Variants in MYLK observed in about 807,000 individuals in gnomAD.
The protein encoded by MYLK is myosin light chain kinase, also known as myosin light chain kinase, smooth muscle.
MYLK carries 106 observed loss-of-function variants against 203.4 expected under a neutral mutation model. The ratio of observed to expected loss-of-function variants is 0.52; its 90% CI spans 0.45 to 0.61. MYLK has a LOEUF of 0.61. Ranked by LOEUF, MYLK falls within the 20% of genes least tolerant of loss-of-function variation. The pLI, the probability that MYLK is intolerant of heterozygous loss-of-function variation, is 0.00. For missense variants in MYLK, 2,072 were observed against 2,442.3 expected (o/e 0.85, Z 3.20); for synonymous variants, 867 against 959.5 (o/e 0.90, Z 1.78).
At chr3:123,826,120 T>C (rs2066111448) in intron 3 of MYLK, among the ~76,000 whole-genome samples, 1 of 152,168 alleles carries the variant, frequency 6.6e-6, no homozygotes, top group South Asian at 2.1e-4. Context: ...TATGCCCTTA[T>C]GCCAGCTGAG....
In MYLK at chr3:123,700,965, C is replaced by G. The variant is rs1348406740; in HGVS notation, c.2503G>C (p.Gly835Arg). ...CTACCACCACCATCAGCACCAACTCCTCCACCACAGAGGTCCTCGCAGCTG... is the reference window on the plus strand; with the variant it reads ...CTACCACCACCATCAGCACCAACTCGTCCACCACAGAGGTCCTCGCAGCTG... ...PASCEDLCGG[G>R]VGADGGGSDR... Residue 835 changes from glycine to arginine, a missense_variant, in exon 18 of 34, where the codon GGA becomes CGA. This residue lies in a region of MYLK where 865 missense variants were observed against 1,016.0 expected (regional missense o/e 0.85). Coordinates refer to ENST00000360304, the MANE Select transcript of MYLK (RefSeq NM_053025.4). 8 of 1,609,464 alleles carry G rather than the reference C, an allele frequency of 5.0e-6. No individual in the cohort carries two copies. In the Admixed American group the frequency reaches 1.3e-4, roughly 27 times the overall value.
chr3:123,779,563 G>T (rs184872505), intron 4 of MYLK, among the ~76,000 whole-genome samples: 1 of 152,138 alleles, frequency 6.6e-6, no homozygotes, highest in Non-Finnish European at 1.5e-5. Flanking sequence ...GGCTCTGCCT[G>T]CCCCCACCTC....
rs1425132522 is a variant in MYLK at position 123,640,074 on chromosome 3, G to A, written c.4837+213C>T. 6.6e-6 allele frequency among the ~76,000 whole-genome samples: 1 copy of A among 152,038 alleles called. No homozygotes were observed. Among genetic ancestry groups the A allele is most frequent in the Non-Finnish European group, 1.5e-5 (1 of 68,030 alleles). On this transcript the variant is annotated intron_variant, in intron 28 of 33. Transcript: ENST00000360304. This position sits in a 1 kb window ranked among gnomAD's most constrained non-coding sequence, Gnocchi z 4.3. ...CATTTGATCCTCCTAACAAATCTGT[G>A]AGTTAGGTCCTACTATGATCCCACT...
At chr3:123,764,413 A>G (rs572814155) in intron 4 of MYLK, among the ~76,000 whole-genome samples, 1 of 152,260 alleles carries the variant, frequency 6.6e-6, no homozygotes, top group East Asian at 1.9e-4. Flanking sequence ...TTCTCCCTTG[A>G]GATAATCAGT....
Position 123,809,308 on chromosome 3 carries a change from T to C in MYLK, c.-3-15464A>G, listed in dbSNP as rs142249575. ...GGGAGGCCAAGGTGGGCAGATCACTTGAGGTCAGGAGTTCGAGACAAGCCT... is the reference window on the plus strand; with the variant it reads ...GGGAGGCCAAGGTGGGCAGATCACTCGAGGTCAGGAGTTCGAGACAAGCCT... On this transcript the variant is annotated intron_variant, in intron 3 of 33. Coordinates refer to ENST00000360304, the MANE Select transcript of MYLK (RefSeq NM_053025.4). Among the ~76,000 whole-genome samples, 611 of 152,230 alleles carry C rather than the reference T, an allele frequency of 4.0e-3. 5 individuals carry two copies. Among genetic ancestry groups the C allele is most frequent in the Non-Finnish European group, 5.1e-3 (346 of 68,008 alleles).
At chr3:123,807,386 G>A (rs969674181) in intron 3 of MYLK, among the ~76,000 whole-genome samples, 1 of 151,528 alleles carries the variant, frequency 6.6e-6, no homozygotes, top group Non-Finnish European at 1.5e-5. Context: ...CTGAGACAGT[G>A]CCACTGCACT....
At chr3:123,706,687 C>T (rs1450625712) in intron 16 of MYLK, among the ~76,000 whole-genome samples, 3 of 152,096 alleles carry the variant, frequency 2.0e-5, no homozygotes, top group Non-Finnish European at 4.4e-5. Context: ...TAAATAGCTA[C>T]CCAATGTCGA....
chr3:123,760,595 G>T (rs1186400802), intron 4 of MYLK, among the ~76,000 whole-genome samples: 2 of 151,894 alleles, frequency 1.3e-5, no homozygotes, highest in Admixed American at 6.6e-5. Flanking sequence ...TTATAATGAG[G>T]TACCCTAAAC....
intron 18 of MYLK, among the ~76,000 whole-genome samples, 166 bp downstream of exon 18, chr3:123,699,854 G>A (rs1032108216): frequency 3.3e-5 from 5 of 152,212 alleles, no homozygotes; most frequent in African/African-American, 7.2e-5. Context: ...GAGTTAGCAG[G>A]AAACAGGGAC....
At chr3:123,758,323 T>C (rs370744983) in intron 4 of MYLK, among the ~76,000 whole-genome samples, 31 of 152,292 alleles carry the variant, frequency 2.0e-4, no homozygotes, top group African/African-American at 6.7e-4. Flanking sequence ...GAAGAGACCA[T>C]ACCAACTAAA....
intron 16 of MYLK, among the ~76,000 whole-genome samples, chr3:123,702,121 A>G (rs3856618): frequency 0.12 from 18,695 of 152,136 alleles, 2,705 homozygotes; most frequent in East Asian, 0.53. Flanking sequence ...TGGATTCTTC[A>G]TGTCCATAAA....
intron 2 of MYLK, among the ~76,000 whole-genome samples, chr3:123,847,023 C>CA (rs968346493): frequency 3.5e-4 from 53 of 152,122 alleles, no homozygotes; most frequent in African/African-American, 1.2e-3. Flanking sequence ...ATGGGTTCTG[C>CA]ACCCACGGCT....
Position 123,629,891 on chromosome 3 carries a change from T to C in MYLK, c.4962-265A>G. 1 of 508,714 alleles carries C rather than the reference T, an allele frequency of 2.0e-6. No homozygotes were observed. Among genetic ancestry groups the C allele is most frequent in the Non-Finnish European group, 3.6e-6 (1 of 279,298 alleles). 31.5% of individuals were successfully genotyped at this position (508,714 alleles called of 1,614,324 possible). ...AGGTTGGCTTTAGATTACGGGCTTC[T>C]GCAGGGTACGCGGCAGGGCTGATAA... On this transcript the variant is annotated intron_variant, in intron 29 of 33. Coordinates refer to ENST00000360304, the MANE Select transcript of MYLK (RefSeq NM_053025.4). This position sits in a 1 kb window ranked among gnomAD's most constrained non-coding sequence, Gnocchi z 4.4.
intron 4 of MYLK, among the ~76,000 whole-genome samples, chr3:123,789,767 T>C (rs920290692): frequency 6.6e-6 from 1 of 151,774 alleles, no homozygotes; most frequent in African/African-American, 2.4e-5. Context: ...AAATAGTAGT[T>C]GTTGACTTCC....
intron 3 of MYLK, among the ~76,000 whole-genome samples, chr3:123,826,225 G>A (rs939395610): frequency 8.5e-5 from 13 of 152,294 alleles, no homozygotes; most frequent in East Asian, 3.9e-4. Flanking sequence ...GTCTGTCCAC[G>A]TCCCAGCCTG....
At chr3:123,872,091 T>C (rs1171168188) in intron 2 of MYLK, among the ~76,000 whole-genome samples, 1 of 152,040 alleles carries the variant, frequency 6.6e-6, no homozygotes, top group East Asian at 1.9e-4. Context: ...CTGCAGCCTG[T>C]TTTTGTAAAT....
At chr3:123,722,016 T>C (rs2062106782) in intron 13 of MYLK, 112 bp downstream of exon 13, 1 of 1,412,696 alleles carries the variant, frequency 7.1e-7, no homozygotes, top group Admixed American at 2.0e-5. Flanking sequence ...CATGTGCACC[T>C]CTGCTCCCTG....
intron 28 of MYLK, chr3:123,638,803 A>G (rs1559999650): frequency 3.0e-6 from 3 of 985,260 alleles, no homozygotes; most frequent in Admixed American, 6.1e-5. Context: ...CTGGTAGGGT[A>G]GTCGGGAGAG....
intron 2 of MYLK, among the ~76,000 whole-genome samples, chr3:123,840,370 T>TTATATATATATATATATA (rs56361020): frequency 1.1e-4 from 16 of 148,708 alleles, no homozygotes; most frequent in African/African-American, 3.7e-4. Context: ...CCTACAGACA[T>TTATATATATATATATATA]TATATATATA....
Sources: allele counts gnomAD v4.1 joint callset (sites outside exome capture counted in the v4.1 genomes callset), GRCh38; gene constraint gnomAD v4.1.1; regional missense constraint gnomAD v4.1.1; non-coding constraint Gnocchi (gnomAD v3.1); transcripts MANE v1.5; gene names NCBI Gene and HGNC (gene_info 2026-07-23, HGNC 2026-07-21).